Variants in GRID2 observed in about 807,000 individuals in gnomAD.
The protein encoded by GRID2 is glutamate receptor ionotropic, delta-2.
In GRID2, 33 loss-of-function variants were observed where a neutral mutation model predicts 114.8. The observed-to-expected ratio is 0.29, with a 90% CI of 0.22 to 0.38. The LOEUF (loss-of-function observed/expected upper bound fraction) is 0.38, where lower values mean the gene tolerates loss of function less well. GRID2 is among the 10% of genes least tolerant of loss of function. The pLI is 1.00. For missense variants in GRID2, 1,184 were observed against 1,257.7 expected (o/e 0.94, Z 0.89); for synonymous variants, 505 against 449.9 (o/e 1.12, Z -1.55).
At chr4:92,558,290 C>A (rs1293052873) in intron 1 of GRID2, among the ~76,000 whole-genome samples, 1 of 152,102 alleles carries the variant, frequency 6.6e-6, no homozygotes. Flanking sequence ...AGGTTATAAT[C>A]ATGGGGATGA....
chr4:92,368,943 G>GA (rs34556616), intron 1 of GRID2, among the ~76,000 whole-genome samples: 34,087 of 128,280 alleles, frequency 0.27, 4,826 homozygotes, highest in Non-Finnish European at 0.36. Flanking sequence ...AGCAAATTGT[G>GA]AAAAAAAAAA....
chr4:93,116,390 G>A (rs1378878477), intron 4 of GRID2, among the ~76,000 whole-genome samples: 1 of 152,046 alleles, frequency 6.6e-6, no homozygotes, highest in African/African-American at 2.4e-5. Context: ...ATTTGCTTAT[G>A]TTTTATCACT....
chr4:93,256,289 G>T (rs1749576362), intron 8 of GRID2, among the ~76,000 whole-genome samples: 1 of 151,892 alleles, frequency 6.6e-6, no homozygotes, highest in Admixed American at 6.6e-5. Flanking sequence ...GTTGCTAACA[G>T]AAATATATTT....
intron 2 of GRID2, among the ~76,000 whole-genome samples, chr4:92,754,682 T>G (rs552047894): frequency 6.6e-6 from 1 of 152,266 alleles, no homozygotes; most frequent in Admixed American, 6.5e-5. Flanking sequence ...TTAAATACCC[T>G]TCTTGAACCA....
chr4:93,771,336 G>A (rs1478144580), intron 15 of GRID2, among the ~76,000 whole-genome samples: 2 of 152,036 alleles, frequency 1.3e-5, no homozygotes, highest in Non-Finnish European at 2.9e-5. Flanking sequence ...AGCTTAAAAC[G>A]TCTTTGGTTT....
intron 13 of GRID2, among the ~76,000 whole-genome samples, chr4:93,597,783 A>G (rs1739250060): frequency 1.3e-5 from 2 of 152,204 alleles, no homozygotes; most frequent in African/African-American, 4.8e-5. Flanking sequence ...TGCCTCAACG[A>G]AAATCCTTGC....
At chr4:92,718,506 C>A (rs1735653463) in intron 2 of GRID2, among the ~76,000 whole-genome samples, 1 of 151,844 alleles carries the variant, frequency 6.6e-6, no homozygotes, top group African/African-American at 2.4e-5. Flanking sequence ...GTGGCTAATG[C>A]CTATAATCCC....
intron 10 of GRID2, among the ~76,000 whole-genome samples, chr4:93,446,631 G>A (rs953090627): frequency 9.2e-5 from 14 of 152,092 alleles, no homozygotes; most frequent in Non-Finnish European, 1.6e-4. Context: ...TTCCAAGGGG[G>A]CACTGTCTCT....
chr4:92,791,872 C>A (rs374265415), intron 2 of GRID2, among the ~76,000 whole-genome samples: 2 of 151,870 alleles, frequency 1.3e-5, no homozygotes, highest in South Asian at 4.1e-4. Context: ...GGCCAGATAT[C>A]TAAATTTAAC....
intron 1 of GRID2, among the ~76,000 whole-genome samples, chr4:92,501,488 G>A (rs1052077731): frequency 1.3e-5 from 2 of 152,142 alleles, no homozygotes; most frequent in Non-Finnish European, 2.9e-5. Flanking sequence ...ACTAATGGGG[G>A]GTTTCAGCTG....
chr4:93,015,488 C>G (rs1221705319), intron 2 of GRID2, among the ~76,000 whole-genome samples: 13 of 152,090 alleles, frequency 8.5e-5, no homozygotes, highest in Admixed American at 8.5e-4. Flanking sequence ...AAATAGCAGA[C>G]AACCTCATAG....
chr4:92,687,703 C>T (rs1365972746), intron 2 of GRID2, among the ~76,000 whole-genome samples: 1 of 152,034 alleles, frequency 6.6e-6, no homozygotes, highest in Non-Finnish European at 1.5e-5. Context: ...GTGGCCCGCG[C>T]CTATAATCGC....
chr4:93,316,363 A>G (rs1250143020), intron 8 of GRID2, among the ~76,000 whole-genome samples: 1 of 123,894 alleles, frequency 8.1e-6, no homozygotes, highest in African/African-American at 3.2e-5. Context: ...AAGGAAGGAA[A>G]AGAAAAAGAA....
intron 14 of GRID2, among the ~76,000 whole-genome samples, chr4:93,694,678 C>T (rs1169178732): frequency 6.6e-6 from 1 of 152,102 alleles, no homozygotes; most frequent in Non-Finnish European, 1.5e-5. Flanking sequence ...TTTTCTTTCT[C>T]CTCATCCATT....
chr4:92,956,200 A>C (rs886303931), intron 2 of GRID2, among the ~76,000 whole-genome samples: 1 of 152,224 alleles, frequency 6.6e-6, no homozygotes, highest in African/African-American at 2.4e-5. Context: ...AGAACAGTGC[A>C]CTTGCTACAA....
At chr4:93,497,974 T>C (rs1727711001) in intron 12 of GRID2, among the ~76,000 whole-genome samples, 1 of 151,870 alleles carries the variant, frequency 6.6e-6, no homozygotes, top group African/African-American at 2.4e-5. Flanking sequence ...TCCCCACTTA[T>C]TTAGATCTTT....
At position 93,560,311 on chromosome 4, in the gene GRID2, TGG is replaced by T. The variant is rs2149561770; in HGVS notation, c.2193+44901_2193+44902del. Among the ~76,000 whole-genome samples the T allele has an allele frequency of 2.7e-5, 4 of 147,614 alleles. No individual in the cohort carries two copies. In the South Asian group the frequency reaches 8.6e-4, roughly 32 times the overall value. On this transcript the variant is annotated intron_variant, in intron 13 of 15. Coordinates refer to ENST00000282020, the MANE Select transcript of GRID2 (RefSeq NM_001510.4). ...AAAGGAAAGAGGTTTAATTGGCTCA[TGG>T]TTCTGCAGGCTATACAAACATGGCA...
intron 2 of GRID2, among the ~76,000 whole-genome samples, chr4:92,985,762 T>C (rs148526455): frequency 7.2e-5 from 11 of 152,266 alleles, no homozygotes; most frequent in African/African-American, 1.4e-4. Flanking sequence ...TTGAGAAATA[T>C]TCCGCTTATG....
intron 2 of GRID2, among the ~76,000 whole-genome samples, chr4:92,908,655 T>G (rs1293001783): frequency 1.3e-5 from 2 of 152,004 alleles, no homozygotes; most frequent in Non-Finnish European, 2.9e-5. Context: ...CAAAATAAAT[T>G]TTATAGTATC....
Sources: allele counts gnomAD v4.1 joint callset (sites outside exome capture counted in the v4.1 genomes callset), GRCh38; gene constraint gnomAD v4.1.1; transcripts MANE v1.5; gene names NCBI Gene and HGNC (gene_info 2026-07-23, HGNC 2026-07-21).